Variants in CRHBP observed in about 807,000 individuals in gnomAD.
CRHBP encodes the protein corticotropin-releasing hormone-binding protein.
CRHBP carries 19 observed loss-of-function variants against 34.9 expected under a neutral mutation model. That is an observed-to-expected ratio of 0.55 (90% CI 0.38 to 0.80). CRHBP has a LOEUF of 0.80. CRHBP is among the 30% of genes least tolerant of loss of function. The probability of loss-of-function intolerance (pLI) is 0.00; values close to 1 mark genes in which losing one functional copy is unlikely to be tolerated. For synonymous variants in CRHBP, 154 were observed against 153.4 expected, an observed-to-expected ratio of 1.00 and a Z score of -0.03; for missense variants, 328 against 409.2, an observed-to-expected ratio of 0.80 and a Z score of 1.71.
chr5:76,977,026 A>G (rs1580101339), intron 3 of CRHBP, among the ~76,000 whole-genome samples: 2 of 152,162 alleles, frequency 1.3e-5, no homozygotes, highest in Admixed American at 6.5e-5. Flanking sequence ...AGAGGCCTCT[A>G]TGATCCTTCC....
chr5:76,969,183 A>T lies in CRHBP; in HGVS notation c.*298A>T. ...GATGTGCTACAAACCTGAAACTGGT[A>T]AGACAAGCACAAAGCAACGTGCAAT... On this transcript the variant is annotated 3_prime_UTR_variant, in exon 7 of 7. Transcript: ENST00000274368. 3.9e-6 allele frequency: 1 copy of T among 258,386 alleles called. No individual in the cohort carries two copies. The highest frequency in any genetic ancestry group is 7.3e-6 in the Non-Finnish European group (1 of 136,964). 16.0% of individuals were successfully genotyped at this position (258,386 alleles called of 1,614,324 possible).
downstream of CRHBP, among the ~76,000 whole-genome samples, chr5:76,969,934 C>CTTTTTTTTTTTTTTTT (rs201228247): frequency 6.5e-5 from 4 of 61,630 alleles, no homozygotes; most frequent in African/African-American, 2.0e-4. Context: ...AAAGAAAATT[C>CTTTTTTTTTTTTTTTT]TTTTTTTTTT....
At position 76,955,638 on chromosome 5, in the gene CRHBP, G is replaced by A; in HGVS notation, c.334-15G>A. 1 of 1,612,618 alleles carries A rather than the reference G, an allele frequency of 6.2e-7. No homozygotes were observed. The highest frequency in any genetic ancestry group is 8.5e-7 in the Non-Finnish European group (1 of 1,178,788). ...GATGGAAATGATAGCATCTATGTCT[G>A]TATTTTTTTCAAAGGTATTTGATGG... is the stretch of plus-strand genomic sequence containing the variant. On this transcript the variant is annotated splice_polypyrimidine_tract_variant and intron_variant, in intron 3 of 6. Transcript: ENST00000274368.
At position 76,953,658 on chromosome 5, in the gene CRHBP, G is replaced by A; in HGVS notation, c.139G>A (p.Glu47Lys). Residue 47 changes from glutamate to lysine, a missense_variant, in exon 2 of 7, where the codon GAG becomes AAG. Transcript: ENST00000274368. ...GCTCTTCAGCGCCAACCTGAAGCGG[G>A]AGCTGGCTGGGGAGCAGCCGTACCG... ...FLLFSANLKR[E>K]LAGEQPYRRA... The A allele has an allele frequency of 6.2e-7, 1 of 1,611,024 alleles. No homozygotes were observed. The highest frequency in any genetic ancestry group is 8.5e-7 in the Non-Finnish European group (1 of 1,178,988).
At position 76,955,811 on chromosome 5, in the gene CRHBP, T is replaced by C. The variant is rs1186844840; in HGVS notation, c.492T>C (p.His164=). ...TGGCCATGATCTTCTTCCGAGTCCA[T>C]GAACCAGGAAATGGATTCACATTAA... ...QNVAMIFFRV[H]EPGNGFTLTI... The change falls in exon 4 of 7, where the codon CAT becomes CAC. Residue 164 remains histidine (H), a synonymous_variant. Coordinates refer to ENST00000274368, the MANE Select transcript of CRHBP (RefSeq NM_001882.4). 6 of 1,614,098 alleles carry C rather than the reference T, an allele frequency of 3.7e-6. No homozygotes were observed. In the African/African-American group the frequency reaches 8.0e-5, roughly 22 times the overall value.
At chr5:76,956,861 C>T (rs75342827) in intron 4 of CRHBP, among the ~76,000 whole-genome samples, 8,828 of 152,224 alleles carry the variant, frequency 0.058, 305 homozygotes, top group Middle Eastern at 0.088. Context: ...ACACTTCATG[C>T]GGCTGAAAGA....
intron 6 of CRHBP, among the ~76,000 whole-genome samples, chr5:76,965,393 G>T (rs1745846359): frequency 6.6e-6 from 1 of 152,186 alleles, no homozygotes; most frequent in Non-Finnish European, 1.5e-5. Flanking sequence ...AAAGGCAAAA[G>T]ATTTCCAAAA....
At chr5:76,963,828 T>C (rs1745819857) in intron 6 of CRHBP, among the ~76,000 whole-genome samples, 2 of 152,184 alleles carry the variant, frequency 1.3e-5, no homozygotes, top group Admixed American at 1.3e-4. Context: ...CAATTAGTAA[T>C]AGGATAATAA....
Position 76,955,851 on chromosome 5 carries a change from C to A in CRHBP, c.532C>A (p.Pro178Thr). The change falls in exon 4 of 7, where the codon CCC (proline) becomes ACC (threonine). Residue 178 changes from proline to threonine, a missense_variant. Pro to Thr is a conservative substitution (Grantham distance 38). Coordinates refer to ENST00000274368, the MANE Select transcript of CRHBP (RefSeq NM_001882.4). ...NGFTLTIKTD[P>T]NLFPCNVISQ... ...ATTCACATTAACCATAAAGACAGACCCCAACCTCTTTCGTAAGTGTTCTCA... is the reference window on the plus strand; with the variant it reads ...ATTCACATTAACCATAAAGACAGACACCAACCTCTTTCGTAAGTGTTCTCA... 1.9e-6 allele frequency: 3 copies of A among 1,613,808 alleles called. No individual in the cohort carries two copies. Among genetic ancestry groups the A allele is most frequent in the Non-Finnish European group, 2.5e-6 (3 of 1,179,808 alleles).
intron 4 of CRHBP, among the ~76,000 whole-genome samples, chr5:76,956,274 G>C (rs953162489): frequency 2.0e-5 from 3 of 152,096 alleles, no homozygotes; most frequent in African/African-American, 7.2e-5. Context: ...TTCAGCCTGT[G>C]CCTGAATGTG....
intron 2 of CRHBP, among the ~76,000 whole-genome samples, chr5:76,975,264 T>C (rs1176736847): frequency 6.6e-6 from 1 of 152,202 alleles, no homozygotes; most frequent in Non-Finnish European, 1.5e-5. Context: ...AAATATTGCA[T>C]TTTACTGAAA....
chr5:76,954,882 T>C lies in CRHBP; in HGVS notation c.333+696T>C, dbSNP rs148562647. ...TACTGTCCAATTAAAATAATCATGA[T>C]TAACATCTCCAAAGTAGGATTATTT... On this transcript the variant is annotated intron_variant, in intron 3 of 6. Coordinates refer to ENST00000274368, the MANE Select transcript of CRHBP (RefSeq NM_001882.4). Among the ~76,000 whole-genome samples, 262 of 152,316 alleles carry C rather than the reference T, an allele frequency of 1.7e-3. 2 individuals carry two copies. The highest frequency in any genetic ancestry group is 6.0e-3 in the African/African-American group (251 of 41,576).
intron 6 of CRHBP, among the ~76,000 whole-genome samples, chr5:76,968,212 T>G (rs926974607): frequency 1.3e-4 from 19 of 151,470 alleles, no homozygotes; most frequent in East Asian, 3.9e-4. Context: ...TTGTTTTTTT[T>G]TTTTTTGGTC....
At chr5:76,963,910 T>C (rs1745821477) in intron 6 of CRHBP, among the ~76,000 whole-genome samples, 1 of 152,238 alleles carries the variant, frequency 6.6e-6, no homozygotes, top group Non-Finnish European at 1.5e-5. Flanking sequence ...AACAAAGTGA[T>C]AAGCTTTATT....
chr5:76,979,610 A>G (rs1369550169), intron 3 of CRHBP, among the ~76,000 whole-genome samples: 1 of 152,094 alleles, frequency 6.6e-6, no homozygotes, highest in Non-Finnish European at 1.5e-5. Flanking sequence ...CAGCCTCCCA[A>G]AGTGCTGGGA....
intron 5 of CRHBP, among the ~76,000 whole-genome samples, chr5:76,961,792 C>T (rs574335543): frequency 1.3e-5 from 2 of 152,214 alleles, no homozygotes; most frequent in Admixed American, 1.3e-4. Context: ...CTCACTCTGT[C>T]GCCCAGGCTG....
downstream of CRHBP, among the ~76,000 whole-genome samples, chr5:76,974,419 TG>T: frequency 6.6e-6 from 1 of 150,388 alleles, no homozygotes; most frequent in African/African-American, 2.4e-5. Context: ...CCCAAAGTGC[TG>T]GGATTACAGG....
chr5:76,974,112 C>T (rs960813104), downstream of CRHBP, among the ~76,000 whole-genome samples: 3 of 152,074 alleles, frequency 2.0e-5, no homozygotes, highest in Admixed American at 1.3e-4. Flanking sequence ...ATTGCCTCAG[C>T]CTCCCAAGTA....
At chr5:76,973,778 T>C (rs925641622), downstream of CRHBP, among the ~76,000 whole-genome samples, 4 of 151,380 alleles carry the variant, frequency 2.6e-5, no homozygotes, top group Non-Finnish European at 5.9e-5. Context: ...TTTTCCAGAT[T>C]TCTCCTAATT....
Sources: gnomAD v4.1 joint callset for allele counts (sites outside exome capture counted in the v4.1 genomes callset) on GRCh38, gnomAD v4.1.1 for gene constraint, MANE v1.5 for transcripts, NCBI Gene and HGNC (gene_info 2026-07-23, HGNC 2026-07-21) for gene names.